Variants in R3HCC1L observed in about 807,000 individuals in gnomAD.
The protein encoded by R3HCC1L is R3H domain and coiled-coil containing 1 like, also known as coiled-coil domain-containing protein R3HCC1L.
R3HCC1L carries 51 observed loss-of-function variants against 59.9 expected under a neutral mutation model. The observed-to-expected ratio is 0.85, with a 90% CI of 0.68 to 1.07. R3HCC1L has a LOEUF of 1.07. Among genes scored for constraint, R3HCC1L ranks in the 50% least tolerant of loss-of-function variants. R3HCC1L has a pLI of 0.00. For synonymous variants in R3HCC1L, 322 were observed against 315.2 expected, an observed-to-expected ratio of 1.02 and a Z score of -0.23; for missense variants, 965 against 933.0, an observed-to-expected ratio of 1.03 and a Z score of -0.45.
intron 9 of R3HCC1L, among the ~76,000 whole-genome samples, chr10:98,243,635 A>T (rs1233047803): frequency 6.6e-6 from 1 of 152,236 alleles, no homozygotes; most frequent in Non-Finnish European, 1.5e-5. Context: ...GAGAGGAGAT[A>T]TGAGTAAAGC....
At chr10:98,166,973 A>G (rs1035305041) in intron 4 of R3HCC1L, among the ~76,000 whole-genome samples, 1 of 152,070 alleles carries the variant, frequency 6.6e-6, no homozygotes, top group Non-Finnish European at 1.5e-5. Flanking sequence ...CCCCTACTTT[A>G]TAATTTCTAC....
intron 6 of R3HCC1L, among the ~76,000 whole-genome samples, chr10:98,232,190 A>G (rs1240616656): frequency 6.6e-6 from 1 of 152,054 alleles, no homozygotes; most frequent in Non-Finnish European, 1.5e-5. Context: ...GGGTTTCACC[A>G]TGTTGCCCAG....
At chr10:98,227,299 C>G (rs1158673274) in intron 5 of R3HCC1L, among the ~76,000 whole-genome samples, 1 of 152,158 alleles carries the variant, frequency 6.6e-6, no homozygotes, top group Non-Finnish European at 1.5e-5. Flanking sequence ...ACTGGAGGCA[C>G]AGGAATAAAT....
intron 6 of R3HCC1L, among the ~76,000 whole-genome samples, chr10:98,232,382 A>G (rs187641306): frequency 6.6e-6 from 1 of 152,350 alleles, no homozygotes; most frequent in Admixed American, 6.5e-5. Context: ...TGGTGAAAAT[A>G]TCAACTCACA....
At chr10:98,179,607 T>C (rs889699895) in intron 4 of R3HCC1L, among the ~76,000 whole-genome samples, 4 of 152,252 alleles carry the variant, frequency 2.6e-5, no homozygotes, top group African/African-American at 9.6e-5. Context: ...TCCCTCTTTT[T>C]CTATTGATTG....
intron 4 of R3HCC1L, among the ~76,000 whole-genome samples, chr10:98,183,962 T>A (rs928640233): frequency 3.3e-5 from 5 of 150,100 alleles, no homozygotes; most frequent in Non-Finnish European, 7.4e-5. Flanking sequence ...TTTTCGGTTT[T>A]TTTTTTTTTT....
At chr10:98,175,357 A>G (rs1158665529) in intron 4 of R3HCC1L, among the ~76,000 whole-genome samples, 3 of 152,178 alleles carry the variant, frequency 2.0e-5, no homozygotes, top group Non-Finnish European at 4.4e-5. Context: ...CACGTTTCAT[A>G]GAGTACATTT....
At chr10:98,232,337 C>T (rs1856492586) in intron 6 of R3HCC1L, among the ~76,000 whole-genome samples, 1 of 152,124 alleles carries the variant, frequency 6.6e-6, no homozygotes, top group African/African-American at 2.4e-5. Flanking sequence ...TTACGCTCTG[C>T]TCCTGTTTCA....
intron 4 of R3HCC1L, among the ~76,000 whole-genome samples, chr10:98,186,739 C>A (rs1267082238): frequency 6.6e-6 from 1 of 152,044 alleles, no homozygotes; most frequent in Non-Finnish European, 1.5e-5. Flanking sequence ...GGAAAGTAGG[C>A]GTGAAGCTTA....
At chr10:98,175,927 G>A (rs1848969115) in intron 4 of R3HCC1L, among the ~76,000 whole-genome samples, 1 of 152,096 alleles carries the variant, frequency 6.6e-6, no homozygotes, top group Non-Finnish European at 1.5e-5. Context: ...TTTACATTTA[G>A]ATCTGTGATT....
At chr10:98,166,646 A>G (rs1049830960) in intron 4 of R3HCC1L, among the ~76,000 whole-genome samples, 2 of 152,138 alleles carry the variant, frequency 1.3e-5, no homozygotes, top group African/African-American at 2.4e-5. Flanking sequence ...TTTGGTAGTT[A>G]GAGACATATA....
At chr10:98,143,859 T>C (rs1043369214) in intron 1 of R3HCC1L, among the ~76,000 whole-genome samples, 1 of 152,206 alleles carries the variant, frequency 6.6e-6, no homozygotes, top group African/African-American at 2.4e-5. Flanking sequence ...ATAGAGGATT[T>C]GGAAAATACA....
chr10:98,175,723 G>T (rs933986881), intron 4 of R3HCC1L, among the ~76,000 whole-genome samples: 1 of 152,056 alleles, frequency 6.6e-6, no homozygotes, highest in African/African-American at 2.4e-5. Context: ...CTTGTGGTTT[G>T]TGGCTTTTTA....
intron 2 of R3HCC1L, among the ~76,000 whole-genome samples, chr10:98,160,710 C>G (rs1847332203): frequency 6.6e-6 from 1 of 152,236 alleles, no homozygotes; most frequent in African/African-American, 2.4e-5. Flanking sequence ...TGTGAAACAT[C>G]AACATGTTTC....
rs117346861 is a variant in R3HCC1L, at chr10:98,211,709, G to T, written c.1785+1810G>T. Among the ~76,000 whole-genome samples, 1,064 of 152,244 alleles carry T rather than the reference G, an allele frequency of 7.0e-3. 4 individuals carry two copies. Among genetic ancestry groups the T allele is most frequent in the Non-Finnish European group, 0.011 (742 of 68,022 alleles). On this transcript the variant is annotated intron_variant, in intron 5 of 9. Coordinates refer to ENST00000298999, the MANE Select transcript of R3HCC1L (RefSeq NM_001351015.2). ...AAATATTTATCCAATGGATGGCGTT[G>T]ATAGGGCAGAGTTGGGGGCTCTGTC...
chr10:98,188,449 G>A (rs1850470957), intron 4 of R3HCC1L, among the ~76,000 whole-genome samples: 1 of 152,168 alleles, frequency 6.6e-6, no homozygotes, highest in Admixed American at 6.5e-5. Context: ...AGTCATCCTT[G>A]ACAAGTAAGT....
intron 1 of R3HCC1L, among the ~76,000 whole-genome samples, chr10:98,150,416 T>A (rs1216000070): frequency 6.6e-6 from 1 of 152,352 alleles, no homozygotes; most frequent in East Asian, 1.9e-4. Flanking sequence ...TCTTTTGGCC[T>A]TGTTTTCTGT....
Position 98,147,095 on chromosome 10 carries a change from G to A in R3HCC1L, c.-267-8998G>A, listed in dbSNP as rs560957171. On this transcript the variant is annotated intron_variant, in intron 1 of 9. Transcript: ENST00000298999. ...GTTATGCCCTGCCTTTTTTATAAAAGCCATTTTAACTGGCGTGAGATTAGA... is the reference window on the plus strand; with the variant it reads ...GTTATGCCCTGCCTTTTTTATAAAAACCATTTTAACTGGCGTGAGATTAGA... Among the ~76,000 whole-genome samples, 213 of 152,196 alleles carry A rather than the reference G, an allele frequency of 1.4e-3. 1 individual carries two copies. The highest frequency in any genetic ancestry group is 2.6e-3 in the Non-Finnish European group (180 of 67,986).
intron 9 of R3HCC1L, among the ~76,000 whole-genome samples, chr10:98,237,972 T>C (rs1252537657): frequency 6.6e-6 from 1 of 152,160 alleles, no homozygotes; most frequent in African/African-American, 2.4e-5. Flanking sequence ...AGAGGGTAGG[T>C]AAGTAACTTA....
Sources: allele counts gnomAD v4.1 joint callset (sites outside exome capture counted in the v4.1 genomes callset), GRCh38; gene constraint gnomAD v4.1.1; transcripts MANE v1.5; gene names NCBI Gene and HGNC (gene_info 2026-07-23, HGNC 2026-07-21).